SLC7A6: variants seen among roughly 807,000 people sequenced by gnomAD.
SLC7A6 encodes the protein solute carrier family 7 member 6, also known as Y+L amino acid transporter 2.
In SLC7A6, 29 loss-of-function variants were observed where a neutral mutation model predicts 46.6. The observed-to-expected ratio is 0.62, with a 90% confidence interval of 0.46 to 0.85. SLC7A6 has a LOEUF of 0.85. Ranked by LOEUF, SLC7A6 falls within the 40% of genes least tolerant of loss-of-function variation. The pLI is 0.00. For synonymous variants in SLC7A6, 276 were observed against 257.3 expected (o/e 1.07, Z -0.70); for missense variants, 527 against 647.6 (o/e 0.81, Z 2.02).
Position 68,297,525 on chromosome 16 carries a change from T to C in SLC7A6, c.*197T>C. On this transcript the variant is annotated 3_prime_UTR_variant, in exon 11 of 11. Coordinates refer to ENST00000219343, the MANE Select transcript of SLC7A6 (RefSeq NM_003983.6). ...CTGGGCCAACCTCAAGGTGGGGGCT[T>C]CAGAGGGTGGGGGGAAGATTGGGGA... The C allele has an allele frequency of 1.4e-5, 3 of 210,602 alleles. No individual in the cohort carries two copies. The highest frequency in any genetic ancestry group is 2.9e-5 in the Non-Finnish European group (3 of 104,314). The allele number at this position is 210,602 out of a possible 1,614,324, so 13.0% of individuals were successfully genotyped here. A position where few individuals can be genotyped will look rare whatever the true frequency, so the allele number is the denominator to read the frequency against.
chr16:68,274,626 A>C, intron 2 of SLC7A6, 65 bp from the exon 3 acceptor site: 1 of 1,390,188 alleles, frequency 7.2e-7, no homozygotes, highest in Non-Finnish European at 9.8e-7. Context: ...TGGGCAGGGA[A>C]ATCTGGTCTA....
Position 68,301,044 on chromosome 16 carries a change from A to T in SLC7A6, c.*3716A>T. 2 of 1,197,262 alleles carry T rather than the reference A, an allele frequency of 1.7e-6. No homozygotes were observed. The highest frequency in any genetic ancestry group is 2.1e-6 in the Non-Finnish European group (2 of 966,060). 74.2% of individuals were successfully genotyped at this position (1,197,262 alleles called of 1,614,324 possible). On this transcript the variant is annotated 3_prime_UTR_variant, in exon 11 of 11. Coordinates refer to ENST00000219343, the MANE Select transcript of SLC7A6 (RefSeq NM_003983.6). ...TTTTCAACGTTTTTTTTTCTTTCAA[A>T]CTGTAGGGTCACTTTTGATTGAGGC... is the stretch of plus-strand genomic sequence containing the variant.
chr16:68,292,952 G>C (rs977992634), intron 7 of SLC7A6, among the ~76,000 whole-genome samples: 1 of 152,170 alleles, frequency 6.6e-6, no homozygotes, highest in Non-Finnish European at 1.5e-5. Context: ...CCCCAGGGCC[G>C]GGGGTATAAT....
intron 6 of SLC7A6, 42 bp downstream of exon 6, chr16:68,291,374 A>C: frequency 6.2e-7 from 1 of 1,611,188 alleles, no homozygotes; most frequent in South Asian, 1.1e-5. Flanking sequence ...ATCTCCTGAT[A>C]CTGAGCCACC....
chr16:68,268,365 C>A (rs574771175), intron 2 of SLC7A6, among the ~76,000 whole-genome samples: 2 of 152,304 alleles, frequency 1.3e-5, no homozygotes, highest in South Asian at 4.2e-4. Flanking sequence ...GTGGGGAACC[C>A]TCCCCCTCCG....
chr16:68,300,890 T>C lies in SLC7A6; in HGVS notation c.*3562T>C. 1 of 991,300 alleles carries C rather than the reference T, an allele frequency of 1.0e-6. No individual in the cohort carries two copies. Among genetic ancestry groups the C allele is most frequent in the Non-Finnish European group, 1.2e-6 (1 of 834,048 alleles). The allele number at this position is 991,300 out of a possible 1,614,324, so 61.4% of individuals were successfully genotyped here. A position where few individuals can be genotyped will look rare whatever the true frequency, so the allele number is the denominator to read the frequency against. ...GTTTTCCTAGAGGCAGGCAGCCTGGTGGTATGGCACAGCAGAAGCTTACTG... is the reference window on the plus strand; with the variant it reads ...GTTTTCCTAGAGGCAGGCAGCCTGGCGGTATGGCACAGCAGAAGCTTACTG... On this transcript the variant is annotated 3_prime_UTR_variant, in exon 11 of 11. Transcript: ENST00000219343.
intron 3 of SLC7A6, among the ~76,000 whole-genome samples, chr16:68,286,834 G>A (rs556859256): frequency 1.1e-4 from 16 of 152,252 alleles, no homozygotes; most frequent in East Asian, 7.7e-4. Flanking sequence ...CGATCAGTGG[G>A]CTTGGGAATG....
intron 3 of SLC7A6, among the ~76,000 whole-genome samples, chr16:68,278,625 G>A (rs2151219029): frequency 6.6e-6 from 1 of 152,154 alleles, no homozygotes; most frequent in East Asian, 1.9e-4. Flanking sequence ...GCACCGGGTT[G>A]GGGGTAAGGT....
intron 2 of SLC7A6, among the ~76,000 whole-genome samples, chr16:68,267,406 G>A (rs1479559779): frequency 6.6e-6 from 1 of 151,432 alleles, no homozygotes; most frequent in East Asian, 1.9e-4. Context: ...GCAGAGATAG[G>A]GTTTCACTAT....
rs541051240 is a variant in SLC7A6 at position 68,265,471 on chromosome 16, T to C, written c.-166+895T>C. The C allele has an allele frequency of 9.9e-5, 15 of 152,248 alleles. No individual in the cohort carries two copies. In the East Asian group the frequency reaches 2.7e-3, roughly 27 times the overall value. The allele number at this position is 152,248 out of a possible 1,614,324, so 9.4% of individuals were successfully genotyped here. A position where few individuals can be genotyped will look rare whatever the true frequency, so the allele number is the denominator to read the frequency against. ...TTAAAAAGAATTCAGTCTCTGCCCT[T>C]GATAGGGGAAAAAGCCAGGGCAGCT... On this transcript the variant is annotated intron_variant, in intron 1 of 10. Coordinates refer to ENST00000219343, the MANE Select transcript of SLC7A6 (RefSeq NM_003983.6).
intron 4 of SLC7A6, among the ~76,000 whole-genome samples, chr16:68,289,622 T>C (rs892523879): frequency 1.3e-5 from 2 of 152,230 alleles, no homozygotes; most frequent in Non-Finnish European, 2.9e-5. Context: ...CTTAGAAGTC[T>C]GGGTCTTGTT....
Position 68,274,941 on chromosome 16 carries a change from TAC to T in SLC7A6, c.220_221del (p.Thr74CysfsTer62). The T allele has an allele frequency of 6.2e-7, 1 of 1,614,220 alleles. No individual in the cohort carries two copies. Among genetic ancestry groups the T allele is most frequent in the Admixed American group, 1.7e-5 (1 of 60,022 alleles). On this transcript the variant is annotated frameshift_variant, in exon 3 of 11. Coordinates refer to ENST00000219343, the MANE Select transcript of SLC7A6 (RefSeq NM_003983.6). LOFTEE classifies it high-confidence loss of function. Reference sequence around the variant, plus strand: ...TTTGTCTCACCCAAGGGTGTGCTGGTACACACTGCCTCCTATGGGATGTCACT... The same window carrying T: ...TTTGTCTCACCCAAGGGTGTGCTGGTACACTGCCTCCTATGGGATGTCACT...
Position 68,291,559 on chromosome 16 carries a change from C to A in SLC7A6, c.920C>A (p.Thr307Lys). The change falls in exon 7 of 11, where the codon ACA (threonine) becomes AAA (lysine). Residue 307 changes from threonine (T) to lysine (K), a missense_variant and splice_region_variant. Coordinates refer to ENST00000219343, the MANE Select transcript of SLC7A6 (RefSeq NM_003983.6). Reference sequence around the variant, plus strand: ...GCCTTTTCTGTGCCCTGCCCCCAGACATTTGCTGACCAGACGTTTGGCATG... The same window carrying A: ...GCCTTTTCTGTGCCCTGCCCCCAGAAATTTGCTGACCAGACGTTTGGCATG... ...DVLSSDAVAV[T>K]FADQTFGMFS... 1 of 1,614,122 alleles carries A rather than the reference C, an allele frequency of 6.2e-7. No homozygotes were observed. Among genetic ancestry groups the A allele is most frequent in the Non-Finnish European group, 8.5e-7 (1 of 1,180,006 alleles).
At chr16:68,276,952 G>A (rs1596978460) in intron 3 of SLC7A6, among the ~76,000 whole-genome samples, 2 of 151,736 alleles carry the variant, frequency 1.3e-5, no homozygotes, top group East Asian at 3.9e-4. Flanking sequence ...CTATGATCAC[G>A]CCACTGCACT....
intron 5 of SLC7A6, 101 bp from the exon 6 acceptor site, chr16:68,291,108 G>A: frequency 6.7e-7 from 1 of 1,502,880 alleles, no homozygotes; most frequent in Non-Finnish European, 9.2e-7. Flanking sequence ...TTGGAGGCTA[G>A]TGAACTGTTA....
intron 1 of SLC7A6, chr16:68,265,394 C>G (rs1405331392): frequency 6.6e-6 from 1 of 152,106 alleles, no homozygotes; most frequent in Non-Finnish European, 1.5e-5. Flanking sequence ...ATCAGGGTGT[C>G]GGCGAACACG....
chr16:68,268,385 C>T (rs2042569847), intron 2 of SLC7A6, among the ~76,000 whole-genome samples: 1 of 152,196 alleles, frequency 6.6e-6, no homozygotes, highest in South Asian at 2.1e-4. Flanking sequence ...GGCATTTGGT[C>T]ACAGAACTCT....
intron 2 of SLC7A6, among the ~76,000 whole-genome samples, chr16:68,269,486 G>A (rs1178251949): frequency 6.6e-6 from 1 of 152,104 alleles, no homozygotes; most frequent in Non-Finnish European, 1.5e-5. Flanking sequence ...TGTTGCTATG[G>A]TTACGTTAGG....
chr16:68,276,553 C>T (rs949256246), intron 3 of SLC7A6, among the ~76,000 whole-genome samples: 4 of 152,106 alleles, frequency 2.6e-5, no homozygotes, highest in Admixed American at 1.3e-4. Context: ...AAAGGGAAAA[C>T]GCTCCATATT....
Sources: gnomAD v4.1 joint callset for allele counts (sites outside exome capture counted in the v4.1 genomes callset) on GRCh38, gnomAD v4.1.1 for gene constraint, MANE v1.5 for transcripts, NCBI Gene and HGNC (gene_info 2026-07-23, HGNC 2026-07-21) for gene names.